The following GNAQ variants were observed in gnomAD, a reference collection of about 807,000 sequenced individuals.
The protein encoded by GNAQ is G protein subunit alpha q, also known as guanine nucleotide-binding protein G(q) subunit alpha.
In GNAQ, 8 loss-of-function variants were observed where a neutral mutation model predicts 43.9. The observed-to-expected ratio is 0.18, with a 90% CI of 0.11 to 0.33. GNAQ has a LOEUF of 0.33. Among genes scored for constraint, GNAQ ranks in the 10% least tolerant of loss-of-function variants. The probability of loss-of-function intolerance (pLI) is 1.00; values close to 1 mark genes in which losing one functional copy is unlikely to be tolerated. For missense variants in GNAQ, 158 were observed against 450.8 expected (o/e 0.35, Z 5.88); for synonymous variants, 155 against 170.7 (o/e 0.91, Z 0.71).
chr9:77,748,901 C>G (rs1050220017), intron 5 of GNAQ, among the ~76,000 whole-genome samples: 45 of 152,072 alleles, frequency 3.0e-4, no homozygotes, highest in African/African-American at 1.1e-3. Context: ...AGCCAGATTC[C>G]ACCAGTATAA....
At chr9:77,825,345 A>G (rs1827176506) in intron 2 of GNAQ, among the ~76,000 whole-genome samples, 1 of 152,182 alleles carries the variant, frequency 6.6e-6, no homozygotes, top group Non-Finnish European at 1.5e-5. Flanking sequence ...TTCAGCCTTC[A>G]TTTTCCACAC....
intron 2 of GNAQ, among the ~76,000 whole-genome samples, chr9:77,853,795 A>AC (rs1161474013): frequency 1.3e-5 from 2 of 151,034 alleles, no homozygotes; most frequent in African/African-American, 2.4e-5. Context: ...AAAAAAAAAA[A>AC]AAAAACCCAC....
intron 1 of GNAQ, among the ~76,000 whole-genome samples, chr9:78,012,557 G>A (rs1031697956): frequency 1.8e-4 from 28 of 151,864 alleles, no homozygotes; most frequent in African/African-American, 6.5e-4. Flanking sequence ...TATCACCCAT[G>A]GACCCATCAT....
intron 3 of GNAQ, among the ~76,000 whole-genome samples, chr9:77,801,988 G>A (rs1032890902): frequency 2.0e-5 from 3 of 152,028 alleles, no homozygotes; most frequent in African/African-American, 7.2e-5. Context: ...ACAACATGGT[G>A]AAACCCCATC....
At chr9:77,848,739 A>G (rs764533381) in intron 2 of GNAQ, among the ~76,000 whole-genome samples, 10 of 152,234 alleles carry the variant, frequency 6.6e-5, no homozygotes, top group East Asian at 1.9e-4. Context: ...CGTCCGCATC[A>G]TAAGTCTCAC....
At chr9:77,915,832 G>A (rs1347276511) in intron 2 of GNAQ, among the ~76,000 whole-genome samples, 1 of 152,174 alleles carries the variant, frequency 6.6e-6, no homozygotes, top group Non-Finnish European at 1.5e-5. Flanking sequence ...TGCTTCTATG[G>A]AGAATCCATG....
At chr9:77,767,421 A>C (rs1470722919) in intron 5 of GNAQ, among the ~76,000 whole-genome samples, 1 of 152,154 alleles carries the variant, frequency 6.6e-6, no homozygotes, top group African/African-American at 2.4e-5. Context: ...CACTGCTCTG[A>C]ACATACCATG....
chr9:77,788,529 A>G (rs561844970), intron 5 of GNAQ, among the ~76,000 whole-genome samples: 1 of 152,244 alleles, frequency 6.6e-6, no homozygotes, highest in African/African-American at 2.4e-5. Flanking sequence ...ATAAATGCCA[A>G]CATGAGGCCA....
At chr9:77,851,261 T>C (rs1050592435) in intron 2 of GNAQ, among the ~76,000 whole-genome samples, 6 of 152,102 alleles carry the variant, frequency 3.9e-5, no homozygotes, top group African/African-American at 1.4e-4. Flanking sequence ...AAAACCCCAT[T>C]TTTTCCCCTC....
chr9:77,833,499 G>A (rs1313709612), intron 2 of GNAQ, among the ~76,000 whole-genome samples: 1 of 152,182 alleles, frequency 6.6e-6, no homozygotes, highest in Non-Finnish European at 1.5e-5. Context: ...AAAGCTTCTT[G>A]TTGCTTTCTA....
intron 1 of GNAQ, among the ~76,000 whole-genome samples, chr9:77,943,690 G>A (rs574683899): frequency 6.6e-4 from 85 of 129,700 alleles, no homozygotes; most frequent in African/African-American, 7.2e-4. Flanking sequence ...TTGAGACGAC[G>A]TCTTGCTCTG....
intron 1 of GNAQ, among the ~76,000 whole-genome samples, chr9:78,023,802 T>A (rs937279020): frequency 1.3e-5 from 2 of 151,876 alleles, no homozygotes; most frequent in Non-Finnish European, 1.5e-5. Flanking sequence ...AATGAGGCTA[T>A]CTCCTAGAAA....
At chr9:77,822,630 A>G (rs991038309) in intron 2 of GNAQ, among the ~76,000 whole-genome samples, 3 of 151,806 alleles carry the variant, frequency 2.0e-5, no homozygotes, top group African/African-American at 7.3e-5. Context: ...TGATTAAAAA[A>G]AAAAAAAAAA....
At chr9:77,909,359 G>A (rs1049814447) in intron 2 of GNAQ, among the ~76,000 whole-genome samples, 1 of 152,102 alleles carries the variant, frequency 6.6e-6, no homozygotes, top group Non-Finnish European at 1.5e-5. Flanking sequence ...GCTAGAAGAC[G>A]GTCAAGAGAA....
intron 1 of GNAQ, among the ~76,000 whole-genome samples, chr9:78,013,022 TGGAAA>T (rs1229257451): frequency 6.6e-6 from 1 of 152,024 alleles, no homozygotes; most frequent in Admixed American, 6.6e-5. Flanking sequence ...GGGGCGTAAG[TGGAAA>T]GAAGAGTAAA....
At position 77,716,659 on chromosome 9, in the gene GNAQ, TTC is replaced by T. The variant is rs1319736991; in HGVS notation, c.*4662_*4663del. On this transcript the variant is annotated 3_prime_UTR_variant, in exon 7 of 7. Transcript: ENST00000286548. ...AAAAATGTTCTACCAACGAATACCT[TTC>T]TGTTTTTTCTGTCTACCAAAAGCTT... is the stretch of plus-strand genomic sequence containing the variant. 1 of 232,676 alleles carries T rather than the reference TTC, an allele frequency of 4.3e-6. No homozygotes were observed. The highest frequency in any genetic ancestry group is 5.6e-5 in the Admixed American group (1 of 17,762). The allele number at this position is 232,676 out of a possible 1,614,324, so 14.4% of individuals were successfully genotyped here.
At chr9:77,887,500 T>C (rs1389606753) in intron 2 of GNAQ, among the ~76,000 whole-genome samples, 1 of 152,226 alleles carries the variant, frequency 6.6e-6, no homozygotes, top group Non-Finnish European at 1.5e-5. Flanking sequence ...TACATTTCTA[T>C]CTCAAAAGAC....
At chr9:77,965,439 C>G (rs1823154331) in intron 1 of GNAQ, among the ~76,000 whole-genome samples, 1 of 152,076 alleles carries the variant, frequency 6.6e-6, no homozygotes, top group African/African-American at 2.4e-5. Context: ...AAACCACAGA[C>G]AAGGAGAAAA....
At chr9:77,939,982 C>T (rs191390175) in intron 1 of GNAQ, among the ~76,000 whole-genome samples, 12 of 152,240 alleles carry the variant, frequency 7.9e-5, no homozygotes, top group Non-Finnish European at 1.6e-4. Flanking sequence ...TATAATTTAT[C>T]ATCCTAAAAC....
Sources: allele counts gnomAD v4.1 joint callset (sites outside exome capture counted in the v4.1 genomes callset), GRCh38; gene constraint gnomAD v4.1.1; transcripts MANE v1.5; gene names NCBI Gene and HGNC (gene_info 2026-07-23, HGNC 2026-07-21).